The following ODAD2 variants were observed in gnomAD, a reference collection of about 807,000 sequenced individuals.
ODAD2 encodes outer dynein arm docking complex subunit 2, also known as outer dynein arm-docking complex subunit 2.
In ODAD2, 89 loss-of-function variants were observed where a neutral mutation model predicts 106.8. That is an observed-to-expected ratio of 0.83 (90% CI 0.70 to 0.99). The LOEUF (loss-of-function observed/expected upper bound fraction) is 0.99, where lower values mean the gene tolerates loss of function less well. Ranked by LOEUF, ODAD2 falls within the 50% of genes least tolerant of loss-of-function variation. ODAD2 has a pLI of 0.00. For synonymous variants in ODAD2, 404 were observed against 436.2 expected (o/e 0.93, Z 0.92); for missense variants, 1,168 against 1,238.5 (o/e 0.94, Z 0.85).
At chr10:27,993,532 C>T (rs1187009823) in intron 2 of ODAD2, among the ~76,000 whole-genome samples, 5 of 151,932 alleles carry the variant, frequency 3.3e-5, no homozygotes, top group Admixed American at 6.6e-5. Flanking sequence ...TGCCTATATT[C>T]CGAGCTACTT....
At chr10:27,858,951 A>C (rs779986232) in intron 19 of ODAD2, among the ~76,000 whole-genome samples, 21 of 152,122 alleles carry the variant, frequency 1.4e-4, no homozygotes, top group Non-Finnish European at 2.6e-4. Context: ...CTACAGGTGC[A>C]TGCCTATACA....
In ODAD2 at chr10:27,984,287, T is replaced by A; in HGVS notation, c.579A>T (p.Glu193Asp). ...TCACCGTCATGGGACTTAAACTTATTTCTCTGAAATAAATGTTTAAAATGT... is the reference window on the plus strand; with the variant it reads ...TCACCGTCATGGGACTTAAACTTATATCTCTGAAATAAATGTTTAAAATGT... The part of the protein sequence containing the change: ...LNHSLKHISL[E>D]ISLSPMTVKK... Residue 193 changes from glutamate (E) to aspartate (D), a missense_variant, in exon 5 of 20, where the codon GAA becomes GAT. By Grantham distance (45) the Glu-to-Asp change is conservative. Transcript: ENST00000305242. 1.2e-6 allele frequency: 2 copies of A among 1,600,558 alleles called. No homozygotes were observed. The highest frequency in any genetic ancestry group is 1.7e-6 in the Non-Finnish European group (2 of 1,168,338).
intron 1 of ODAD2, among the ~76,000 whole-genome samples, chr10:27,997,945 A>G (rs1850653994): frequency 6.6e-6 from 1 of 152,232 alleles, no homozygotes; most frequent in Non-Finnish European, 1.5e-5. Flanking sequence ...GTGTTTACAT[A>G]AACTGGGATG....
At chr10:27,936,615 T>C in intron 15 of ODAD2, 111 bp downstream of exon 15, 3 of 1,217,460 alleles carry the variant, frequency 2.5e-6, no homozygotes, top group Non-Finnish European at 3.6e-6. Context: ...ATCCAGAATG[T>C]ACATCTACAA....
chr10:27,832,697 T>G (rs1345714397), intron 19 of ODAD2, among the ~76,000 whole-genome samples: 1 of 152,166 alleles, frequency 6.6e-6, no homozygotes, highest in African/African-American at 2.4e-5. Flanking sequence ...GCTACTTTTC[T>G]CCTTAAACGT....
intron 19 of ODAD2, among the ~76,000 whole-genome samples, chr10:27,834,151 T>C (rs561437582): frequency 2.6e-5 from 4 of 152,320 alleles, no homozygotes; most frequent in East Asian, 1.9e-4. Context: ...TATGAATGCA[T>C]TGATTTGAGT....
chr10:27,965,251 T>C (rs1407160966), intron 9 of ODAD2, among the ~76,000 whole-genome samples: 1 of 152,052 alleles, frequency 6.6e-6, no homozygotes, highest in Non-Finnish European at 1.5e-5. Context: ...AAGAGTAAGG[T>C]AGTTTGAAGC....
At chr10:27,819,935 G>A (rs991054758) in intron 19 of ODAD2, among the ~76,000 whole-genome samples, 92 of 152,150 alleles carry the variant, frequency 6.0e-4, no homozygotes, top group African/African-American at 2.1e-3. Context: ...GGACCAAGAG[G>A]CAGCCTGGCT....
intron 15 of ODAD2, 77 bp from the exon 16 acceptor site, chr10:27,935,329 C>A (rs1845896802): frequency 6.6e-7 from 1 of 1,524,996 alleles, no homozygotes; most frequent in Non-Finnish European, 9.0e-7. Context: ...TCATTCAATC[C>A]TTACAACAAC....
At chr10:27,953,722 T>A (rs1454028644) in intron 10 of ODAD2, among the ~76,000 whole-genome samples, 1 of 152,202 alleles carries the variant, frequency 6.6e-6, no homozygotes, top group Non-Finnish European at 1.5e-5. Context: ...ATAAATTATA[T>A]ATGTATATAA....
intron 17 of ODAD2, among the ~76,000 whole-genome samples, chr10:27,882,145 GTGACAGAGTGAGACCT>G (rs1841749825): frequency 6.9e-6 from 1 of 145,622 alleles, no homozygotes; most frequent in Non-Finnish European, 1.5e-5. Flanking sequence ...TCCAGCCTGG[GTGACAGAGTGAGACCT>G]TGTCATAAAA....
intron 19 of ODAD2, among the ~76,000 whole-genome samples, chr10:27,817,444 A>T (rs112899489): frequency 6.6e-6 from 1 of 151,936 alleles, no homozygotes; most frequent in African/African-American, 2.4e-5. Context: ...TGCACCCACC[A>T]CCCATATAGT....
At chr10:27,845,541 A>T (rs538411071) in intron 19 of ODAD2, among the ~76,000 whole-genome samples, 1 of 152,348 alleles carries the variant, frequency 6.6e-6, no homozygotes, top group South Asian at 2.1e-4. Context: ...AGCTAACATC[A>T]CAATGACAGG....
Position 27,983,823 on chromosome 10 carries a change from G to A in ODAD2, c.819+20C>T, listed in dbSNP as rs368584891. 55 of 1,610,828 alleles carry A rather than the reference G, an allele frequency of 3.4e-5. No individual in the cohort carries two copies. Among genetic ancestry groups the A allele is most frequent in the Middle Eastern group, 1.6e-4 (1 of 6,068 alleles). On this transcript the variant is annotated intron_variant, in intron 6 of 19. Coordinates refer to ENST00000305242, the MANE Select transcript of ODAD2 (RefSeq NM_018076.5). The stretch of plus-strand genomic sequence containing the variant: ...ATCAAAGTCCACTGGCTTTAGTTAC[G>A]TTTTTAAAAATTTACTTACACCATT...
chr10:27,944,444 A>G lies in ODAD2; in HGVS notation c.1534-13T>C, dbSNP rs1846722190. ...TTAATGAACCAATCTGTGTGAGAAAAAAAAAGATGAGTGGCGAATATGTAA... is the reference window on the plus strand; with the variant it reads ...TTAATGAACCAATCTGTGTGAGAAAGAAAAAGATGAGTGGCGAATATGTAA... On this transcript the variant is annotated splice_polypyrimidine_tract_variant and intron_variant, in intron 11 of 19. Coordinates refer to ENST00000305242, the MANE Select transcript of ODAD2 (RefSeq NM_018076.5). The G allele has an allele frequency of 1.9e-6, 3 of 1,606,416 alleles. No individual in the cohort carries two copies. The highest frequency in any genetic ancestry group is 2.6e-6 in the Non-Finnish European group (3 of 1,173,222).
At position 27,823,175 on chromosome 10, in the gene ODAD2, TG is replaced by T. The variant is rs533911027; in HGVS notation, c.3022-10551del. On this transcript the variant is annotated intron_variant, in intron 19 of 19. Coordinates refer to ENST00000305242, the MANE Select transcript of ODAD2 (RefSeq NM_018076.5). The stretch of plus-strand genomic sequence containing the variant: ...CAGAAGCTCATGGTGTCATTTGGAA[TG>T]GCCTCAAGTTGCTCTTGGATTTTTA... 2.6e-5 allele frequency among the ~76,000 whole-genome samples: 4 copies of T among 152,326 alleles called. No individual in the cohort carries two copies. The South Asian group carries it at 8.3e-4, about 32-fold the overall frequency.
rs1249660937 is a variant in ODAD2, at chr10:27,994,915, T to A, written c.224+4A>T. The A allele has an allele frequency of 6.2e-7, 1 of 1,613,728 alleles. No individual in the cohort carries two copies. The highest frequency in any genetic ancestry group is 1.3e-5 in the African/African-American group (1 of 74,862). ...CAAATCCTAGAAGCAAGTAACTGGC[T>A]TACCTGACAACATAACCTGATTCAA... is the stretch of plus-strand genomic sequence containing the variant. On this transcript the variant is annotated splice_donor_region_variant and intron_variant, in intron 2 of 19. Transcript: ENST00000305242.
rs992643004 is a variant in ODAD2, at chr10:27,812,199, G to A, written c.*313C>T. On this transcript the variant is annotated 3_prime_UTR_variant, in exon 20 of 20. Coordinates refer to ENST00000305242, the MANE Select transcript of ODAD2 (RefSeq NM_018076.5). Reference sequence around the variant, plus strand: ...AGGCCATATCCTTTTTATTAAAATCGCCACAAATACAAAAGCATCACTGAA... The same window carrying A: ...AGGCCATATCCTTTTTATTAAAATCACCACAAATACAAAAGCATCACTGAA... 8.1e-5 allele frequency: 23 copies of A among 283,844 alleles called. No homozygotes were observed. The highest frequency in any genetic ancestry group is 1.4e-4 in the Non-Finnish European group (22 of 154,770). The allele number at this position is 283,844 out of a possible 1,614,324, so 17.6% of individuals were successfully genotyped here.
At chr10:27,997,824 C>T (rs866679831) in intron 1 of ODAD2, among the ~76,000 whole-genome samples, 1 of 152,278 alleles carries the variant, frequency 6.6e-6, no homozygotes, top group South Asian at 2.1e-4. Context: ...CATTGCCAAG[C>T]TCTTTTGGCT....
Sources: allele counts gnomAD v4.1 joint callset (sites outside exome capture counted in the v4.1 genomes callset), GRCh38; gene constraint gnomAD v4.1.1; transcripts MANE v1.5; gene names NCBI Gene and HGNC (gene_info 2026-07-23, HGNC 2026-07-21).